Variants in EYS observed in about 807,000 individuals in gnomAD.
The protein encoded by EYS is EGF-like photoreceptor maintenance factor.
In EYS, 250 loss-of-function variants were observed where a neutral mutation model predicts 282.1. The observed-to-expected ratio is 0.89, with a 90% CI of 0.80 to 0.98. The LOEUF is 0.98. Among genes scored for constraint, EYS ranks in the 50% least tolerant of loss-of-function variants. EYS has a pLI of 0.00. For missense variants in EYS, 4,016 were observed against 3,709.0 expected (o/e 1.08, Z -2.15); for synonymous variants, 1,355 against 1,282.9 (o/e 1.06, Z -1.20).
chr6:64,692,682 G>T (rs1301035161), intron 22 of EYS, among the ~76,000 whole-genome samples: 1 of 152,090 alleles, frequency 6.6e-6, no homozygotes, highest in East Asian at 1.9e-4. Context: ...TGAATGGTAG[G>T]CATCCAGCTT....
intron 2 of EYS, among the ~76,000 whole-genome samples, chr6:65,564,124 G>A (rs1210478796): frequency 1.3e-5 from 2 of 152,002 alleles, no homozygotes; most frequent in Admixed American, 6.6e-5. Context: ...AATGAGAGAG[G>A]ACACAAACAA....
At chr6:65,132,275 A>T (rs1775900511) in intron 12 of EYS, among the ~76,000 whole-genome samples, 1 of 151,868 alleles carries the variant, frequency 6.6e-6, no homozygotes, top group Non-Finnish European at 1.5e-5. Flanking sequence ...ACACTTTAGG[A>T]CAATATCCTT....
chr6:65,092,442 A>G (rs78483872), intron 12 of EYS, among the ~76,000 whole-genome samples: 2,962 of 152,304 alleles, frequency 0.019, 98 homozygotes, highest in African/African-American at 0.068. Context: ...AACATGAATT[A>G]TCATAGAAGT....
chr6:64,275,333 T>C (rs2150359231), intron 30 of EYS, among the ~76,000 whole-genome samples: 1 of 152,310 alleles, frequency 6.6e-6, no homozygotes, highest in African/African-American at 2.4e-5. Context: ...TATGCATAAG[T>C]CTGTACTTAA....
chr6:64,525,326 T>A (rs1261468722), intron 26 of EYS, among the ~76,000 whole-genome samples: 2 of 151,822 alleles, frequency 1.3e-5, no homozygotes, highest in African/African-American at 4.8e-5. Flanking sequence ...ATATACACAA[T>A]GGAATACCAT....
Position 64,637,144 on chromosome 6 carries a change from G to A in EYS, c.3444-10899C>T, listed in dbSNP as rs369864570. On this transcript the variant is annotated intron_variant, in intron 22 of 42. Coordinates refer to ENST00000503581, the MANE Select transcript of EYS (RefSeq NM_001142800.2). ...TGCTGCTATAAAGACACATGCACAC[G>A]TATGTTTATTGCGGCACTATTCACA... Among the ~76,000 whole-genome samples, 182 of 97,840 alleles carry A rather than the reference G, an allele frequency of 1.9e-3. 22 individuals carry two copies. Among genetic ancestry groups the A allele is most frequent in the South Asian group, 7.2e-3 (17 of 2,368 alleles). 64.2% of individuals were successfully genotyped at this position (97,840 alleles called of 152,430 possible).
chr6:64,975,175 T>C (rs1047206834), intron 14 of EYS, among the ~76,000 whole-genome samples: 2 of 151,866 alleles, frequency 1.3e-5, no homozygotes, highest in African/African-American at 4.8e-5. Flanking sequence ...GATATCTCTC[T>C]GAGAATTTCT....
chr6:64,287,992 A>T (rs2150364305), intron 30 of EYS, among the ~76,000 whole-genome samples: 1 of 152,294 alleles, frequency 6.6e-6, no homozygotes, highest in Non-Finnish European at 1.5e-5. Flanking sequence ...ATTACAAAAC[A>T]CTACAAGTAA....
In EYS at chr6:63,937,340, CTTTTCTTTTTTTTTTTTTTTT is replaced by C. The variant is rs1765090305; in HGVS notation, c.7055+47022_7055+47042del. ...AGATCCAAATTTTCTAGGCTTCTCT[CTTTTCTTTTTTTTTTTTTTTT>C]TTTTTTTTTTTTTTTTTTTTTTTTT... On this transcript the variant is annotated intron_variant, in intron 35 of 42. Coordinates refer to ENST00000503581, the MANE Select transcript of EYS (RefSeq NM_001142800.2). 4.1e-4 allele frequency among the ~76,000 whole-genome samples: 19 copies of C among 46,042 alleles called. 1 individual carries two copies. The highest frequency in any genetic ancestry group is 1.6e-3 in the East Asian group (3 of 1,826). 30.2% of individuals were successfully genotyped at this position (46,042 alleles called of 152,430 possible).
chr6:64,415,609 T>C (rs1774036340), intron 28 of EYS, among the ~76,000 whole-genome samples: 1 of 152,156 alleles, frequency 6.6e-6, no homozygotes, highest in African/African-American at 2.4e-5. Context: ...TCCATATGCA[T>C]TAAGAGTAAA....
chr6:63,917,052 C>A (rs987796560), intron 35 of EYS, among the ~76,000 whole-genome samples: 18 of 152,202 alleles, frequency 1.2e-4, no homozygotes, highest in Admixed American at 1.0e-3. Flanking sequence ...GTGTACTGTT[C>A]ATGACGGCAA....
At chr6:64,878,087 G>A (rs917076511) in intron 19 of EYS, among the ~76,000 whole-genome samples, 14 of 152,190 alleles carry the variant, frequency 9.2e-5, no homozygotes, top group African/African-American at 3.4e-4. Context: ...ACAAAAATTA[G>A]CTGGGTGTGG....
intron 26 of EYS, among the ~76,000 whole-genome samples, chr6:64,555,316 G>A (rs952701901): frequency 1.3e-5 from 2 of 151,724 alleles, no homozygotes; most frequent in Non-Finnish European, 3.0e-5. Flanking sequence ...TCTTTGAAGG[G>A]GTAGAGAGGA....
intron 26 of EYS, among the ~76,000 whole-genome samples, chr6:64,534,760 G>A (rs1764466057): frequency 6.6e-6 from 1 of 150,674 alleles, no homozygotes; most frequent in Non-Finnish European, 1.5e-5. Context: ...TCAATACATT[G>A]CTTAATTCAA....
chr6:64,536,585 C>A (rs1265001483), intron 26 of EYS, among the ~76,000 whole-genome samples: 3 of 151,908 alleles, frequency 2.0e-5, no homozygotes, highest in African/African-American at 7.3e-5. Context: ...ACCCTTTTTC[C>A]AAATTAATCT....
intron 26 of EYS, among the ~76,000 whole-genome samples, chr6:64,500,870 T>C (rs1777016337): frequency 6.6e-6 from 1 of 152,256 alleles, no homozygotes; most frequent in East Asian, 1.9e-4. Context: ...AGTCAGTGTT[T>C]TTCCTGTTTT....
intron 35 of EYS, among the ~76,000 whole-genome samples, chr6:63,876,566 G>T (rs956906489): frequency 1.3e-5 from 2 of 152,194 alleles, no homozygotes; most frequent in African/African-American, 4.8e-5. Flanking sequence ...AATATTGACA[G>T]TGGGGTGTTA....
At chr6:63,730,176 G>A (rs1191996293) in intron 41 of EYS, among the ~76,000 whole-genome samples, 1 of 152,052 alleles carries the variant, frequency 6.6e-6, no homozygotes. Context: ...ATAGATTATA[G>A]CTGCATGATA....
intron 12 of EYS, among the ~76,000 whole-genome samples, chr6:65,130,390 T>C (rs778928388): frequency 6.6e-6 from 1 of 151,964 alleles, no homozygotes; most frequent in Admixed American, 6.6e-5. Flanking sequence ...ATTTGAAATA[T>C]TTAATAACAA....
Sources: gnomAD v4.1 joint callset for allele counts (sites outside exome capture counted in the v4.1 genomes callset) on GRCh38, gnomAD v4.1.1 for gene constraint, MANE v1.5 for transcripts, NCBI Gene and HGNC (gene_info 2026-07-23, HGNC 2026-07-21) for gene names.